Variants in PRDM16 observed in about 807,000 individuals in gnomAD.
The protein encoded by PRDM16 is PR/SET domain 16, also known as histone-lysine N-methyltransferase PRDM16.
PRDM16 carries 23 observed loss-of-function variants against 110.6 expected under a neutral mutation model. That is an observed-to-expected ratio of 0.21 (90% CI 0.15 to 0.29). PRDM16 has a LOEUF of 0.29. Ranked by LOEUF, PRDM16 falls within the 10% of genes least tolerant of loss-of-function variation. The pLI, the probability that PRDM16 is intolerant of heterozygous loss-of-function variation, is 1.00. For synonymous variants in PRDM16, 799 were observed against 781.8 expected, an observed-to-expected ratio of 1.02 and a Z score of -0.37; for missense variants, 1,615 against 1,794.3, an observed-to-expected ratio of 0.90 and a Z score of 1.81.
At chr1:3,351,539 C>CT (rs1557626792) in intron 3 of PRDM16, among the ~76,000 whole-genome samples, 3 of 100 alleles carry the variant, frequency 0.03, no homozygotes, top group Admixed American at 0.17. Context: ...TGTCCCCCTC[C>CT]CTCTCTGTCC....
At chr1:3,203,855 T>C (rs1256115052) in intron 2 of PRDM16, among the ~76,000 whole-genome samples, 1 of 152,140 alleles carries the variant, frequency 6.6e-6, no homozygotes, top group African/African-American at 2.4e-5. Context: ...GGGGGCACAA[T>C]TTACATAGAT....
Position 3,114,205 on chromosome 1 carries a change from A to G in PRDM16, c.37+44909A>G, listed in dbSNP as rs376020828. 1.4e-3 allele frequency among the ~76,000 whole-genome samples: 105 copies of G among 73,522 alleles called. 3 individuals are homozygous for G. The South Asian group carries it at 0.043, about 30-fold the overall frequency. 48.2% of individuals were successfully genotyped at this position (73,522 alleles called of 152,430 possible). ...CACACGCACACACGCACACGCACGC[A>G]CACACGCACACGAACACACACGCAC... On this transcript the variant is annotated intron_variant, in intron 1 of 16. Coordinates refer to ENST00000270722, the MANE Select transcript of PRDM16 (RefSeq NM_022114.4).
Position 3,080,144 on chromosome 1 carries a change from G to A in PRDM16, c.37+10848G>A, listed in dbSNP as rs183485305. Among the ~76,000 whole-genome samples the A allele has an allele frequency of 8.5e-5, 13 of 152,340 alleles. No homozygotes were observed. In the East Asian group the frequency reaches 1.9e-3, roughly 23 times the overall value. ...GAAACGAGGCTGTTTAGATAATCCC[G>A]GGCCCTGGTGCTTGCATTTAGAAAA... On this transcript the variant is annotated intron_variant, in intron 1 of 16. Transcript: ENST00000270722. This position sits in a 1 kb window ranked among gnomAD's most constrained non-coding sequence, Gnocchi z 5.2.
chr1:3,242,411 G>C (rs1156778249), intron 2 of PRDM16, among the ~76,000 whole-genome samples: 6 of 152,220 alleles, frequency 3.9e-5, no homozygotes, highest in African/African-American at 1.2e-4. Flanking sequence ...CTACTCTCGA[G>C]AGCTCCAGCA....
chr1:3,134,467 C>T (rs548720866), intron 1 of PRDM16, among the ~76,000 whole-genome samples: 53 of 152,352 alleles, frequency 3.5e-4, no homozygotes, highest in African/African-American at 1.2e-3. Context: ...ATGCCCATCA[C>T]CCCCTCCTGC....
chr1:3,252,965 G>C (rs1639967276), intron 3 of PRDM16, among the ~76,000 whole-genome samples: 1 of 152,064 alleles, frequency 6.6e-6, no homozygotes, highest in Admixed American at 6.6e-5. Context: ...CCCCTCCCTG[G>C]CTCCGACACC....
chr1:3,326,320 G>C (rs971751452), intron 3 of PRDM16, among the ~76,000 whole-genome samples: 1 of 152,240 alleles, frequency 6.6e-6, no homozygotes, highest in East Asian at 1.9e-4. Context: ...CTTGTTCAGA[G>C]CCCATCCTGA....
intron 1 of PRDM16, among the ~76,000 whole-genome samples, chr1:3,142,133 C>A (rs1187836559): frequency 6.6e-6 from 1 of 152,228 alleles, no homozygotes; most frequent in Non-Finnish European, 1.5e-5. Context: ...CCATCGGCTC[C>A]CCCCGTCCAG....
At chr1:3,409,807 ATG>A (rs1290181547) in intron 8 of PRDM16, among the ~76,000 whole-genome samples, 16 of 35,466 alleles carry the variant, frequency 4.5e-4, no homozygotes, top group African/African-American at 9.2e-4. Flanking sequence ...TGTGTGGTGT[ATG>A]TGTGCATGTG....
intron 3 of PRDM16, among the ~76,000 whole-genome samples, chr1:3,375,424 G>A (rs183510121): frequency 6.6e-6 from 1 of 152,240 alleles, no homozygotes; most frequent in South Asian, 2.1e-4. Flanking sequence ...TGAGTCACCA[G>A]TGTGCTCCTT....
intron 3 of PRDM16, among the ~76,000 whole-genome samples, chr1:3,362,715 T>C (rs1235601082): frequency 6.6e-6 from 1 of 152,168 alleles, no homozygotes; most frequent in East Asian, 1.9e-4. Context: ...TGGAGCCCTC[T>C]TGAGGCTGTC....
intron 1 of PRDM16, among the ~76,000 whole-genome samples, chr1:3,181,045 C>T (rs71503053): frequency 1.2e-4 from 17 of 147,498 alleles, no homozygotes; most frequent in East Asian, 6.3e-4. Flanking sequence ...GTCTTACACA[C>T]GCAGTCTTAC....
intron 1 of PRDM16, among the ~76,000 whole-genome samples, chr1:3,101,102 C>T (rs1166933537): frequency 6.6e-6 from 1 of 152,170 alleles, no homozygotes; most frequent in Non-Finnish European, 1.5e-5. Flanking sequence ...GCTGGCACAC[C>T]AGGATGCCGT....
At chr1:3,322,713 C>T (rs934095665) in intron 3 of PRDM16, among the ~76,000 whole-genome samples, 1 of 152,230 alleles carries the variant, frequency 6.6e-6, no homozygotes, top group Non-Finnish European at 1.5e-5. Flanking sequence ...TTTAACGAGG[C>T]GCAGCGACCC....
intron 3 of PRDM16, among the ~76,000 whole-genome samples, chr1:3,319,457 T>C (rs987728522): frequency 1.2e-4 from 18 of 152,162 alleles, no homozygotes; most frequent in African/African-American, 4.3e-4. Flanking sequence ...ATGGGGAACA[T>C]GCCTTGCCTC....
chr1:3,328,768 A>G (rs1415544126), intron 3 of PRDM16, among the ~76,000 whole-genome samples: 1 of 152,182 alleles, frequency 6.6e-6, no homozygotes, highest in Non-Finnish European at 1.5e-5. Context: ...CACGCAGCTC[A>G]TACGCAGAAT....
intron 3 of PRDM16, among the ~76,000 whole-genome samples, chr1:3,336,885 A>G (rs1642168011): frequency 6.6e-6 from 1 of 151,436 alleles, no homozygotes; most frequent in Non-Finnish European, 1.5e-5. Context: ...GAGTGCATGC[A>G]TCCACATGTG....
chr1:3,281,244 GGC>G lies in PRDM16; in HGVS notation c.438+37108_438+37109del, dbSNP rs1420325321. On this transcript the variant is annotated intron_variant, in intron 3 of 16. Transcript: ENST00000270722. Reference sequence around the variant, plus strand: ...GCCCCTACCTGAGAACGCAGCTGTGGGCACTGTCGCCCAGGAGGAGGCCTGGC... The same window carrying G: ...GCCCCTACCTGAGAACGCAGCTGTGGACTGTCGCCCAGGAGGAGGCCTGGC... 2.0e-5 allele frequency among the ~76,000 whole-genome samples: 3 copies of G among 152,290 alleles called. No homozygotes were observed. The East Asian group carries it at 5.8e-4, about 29-fold the overall frequency.
intron 3 of PRDM16, among the ~76,000 whole-genome samples, chr1:3,250,538 A>C (rs1639906810): frequency 6.6e-6 from 1 of 152,114 alleles, no homozygotes; most frequent in Non-Finnish European, 1.5e-5. Context: ...GGATCCCTTA[A>C]ATCAGCTGAA....
Sources: allele counts gnomAD v4.1 joint callset (sites outside exome capture counted in the v4.1 genomes callset), GRCh38; gene constraint gnomAD v4.1.1; non-coding constraint Gnocchi (gnomAD v3.1); transcripts MANE v1.5; gene names NCBI Gene and HGNC (gene_info 2026-07-23, HGNC 2026-07-21).